SPRY2: variants seen among roughly 807,000 people sequenced by gnomAD.
The protein encoded by SPRY2 is protein sprouty homolog 2.
In SPRY2, 10 loss-of-function variants were observed where a neutral mutation model predicts 23.4. That is an observed-to-expected ratio of 0.43 (90% CI 0.26 to 0.73). SPRY2 has a LOEUF of 0.73. Ranked by LOEUF, SPRY2 falls within the 30% of genes least tolerant of loss-of-function variation. SPRY2 has a pLI of 0.22. For missense variants in SPRY2, 344 were observed against 396.9 expected, an observed-to-expected ratio of 0.87 and a Z score of 1.13; for synonymous variants, 170 against 156.9, an observed-to-expected ratio of 1.08 and a Z score of -0.62.
Position 80,337,616 on chromosome 13 carries a change from G to A in SPRY2, c.90C>T (p.Pro30=), listed in dbSNP as rs763949772. Residue 30 remains proline, a synonymous_variant, in exon 2 of 2, where the codon CCC becomes CCT. Transcript: ENST00000377104. ...GTACCTGCTGGGTGAGGGCGTCTCT[G>A]GGGTCGGGCTCCCCACGCTGTCTGC... ...DGGRQRGEPD[P]RDALTQQVHV... 2.5e-6 allele frequency: 4 copies of A among 1,614,122 alleles called. No individual in the cohort carries two copies. In the Admixed American group the frequency reaches 6.7e-5, roughly 27 times the overall value.
In SPRY2 at chr13:80,336,503, T is replaced by C. The variant is rs1880257352; in HGVS notation, c.*255A>G. 3.6e-6 allele frequency: 2 copies of C among 554,386 alleles called. No homozygotes were observed. The highest frequency in any genetic ancestry group is 6.3e-5 in the East Asian group (2 of 31,906). 34.3% of individuals were successfully genotyped at this position (554,386 alleles called of 1,614,324 possible). A position where few individuals can be genotyped will look rare whatever the true frequency, so the allele number is the denominator to read the frequency against. On this transcript the variant is annotated 3_prime_UTR_variant, in exon 2 of 2. Coordinates refer to ENST00000377104, the MANE Select transcript of SPRY2 (RefSeq NM_005842.4). ...CAAACAAAAACTTTGCCTAGGAGTG[T>C]CTGTGTTGCTTTAGCTTATGCAATA...
rs1880253629 is a variant in SPRY2 at position 80,336,431 on chromosome 13, T to C, written c.*327A>G. On this transcript the variant is annotated 3_prime_UTR_variant, in exon 2 of 2. Transcript: ENST00000377104. ...AGCACATTCTCTCTGGAGAAAACAA[T>C]GGAAAAAAGTCATCTGCTAATTTAC... The C allele has an allele frequency of 2.6e-6, 1 of 380,806 alleles. No homozygotes were observed. Among genetic ancestry groups the C allele is most frequent in the Non-Finnish European group, 4.9e-6 (1 of 205,220 alleles). The allele number at this position is 380,806 out of a possible 1,614,324, so 23.6% of individuals were successfully genotyped here. A position where few individuals can be genotyped will look rare whatever the true frequency, so the allele number is the denominator to read the frequency against.
Position 80,336,814 on chromosome 13 carries a change from T to A in SPRY2, c.892A>T (p.Thr298Ser), listed in dbSNP as rs1425467478. The change falls in exon 2 of 2, where the codon ACA becomes TCA. Residue 298 changes from threonine to serine, a missense_variant. By Grantham distance (58) the Thr-to-Ser change is moderately conservative. Coordinates refer to ENST00000377104, the MANE Select transcript of SPRY2 (RefSeq NM_005842.4). ...RPGCRCKNSN[T>S]VCCKVPTVPP... ...ACAGTGGGAACTTTGCAGCAAACTGTGTTTGAGTTTTTACAGCGGCAACCA... is the reference window on the plus strand; with the variant it reads ...ACAGTGGGAACTTTGCAGCAAACTGAGTTTGAGTTTTTACAGCGGCAACCA... 1 of 1,614,078 alleles carries A rather than the reference T, an allele frequency of 6.2e-7. No individual in the cohort carries two copies. Among genetic ancestry groups the A allele is most frequent in the South Asian group, 1.1e-5 (1 of 91,078 alleles).
In SPRY2 at chr13:80,336,416, C is replaced by T; in HGVS notation, c.*342G>A. The T allele has an allele frequency of 2.8e-6, 1 of 359,154 alleles. No homozygotes were observed. Among genetic ancestry groups the T allele is most frequent in the Non-Finnish European group, 5.2e-6 (1 of 191,662 alleles). The allele number at this position is 359,154 out of a possible 1,614,324, so 22.2% of individuals were successfully genotyped here. On this transcript the variant is annotated 3_prime_UTR_variant, in exon 2 of 2. Transcript: ENST00000377104. Reference sequence around the variant, plus strand: ...TATATACAAAAATATAGCACATTCTCTCTGGAGAAAACAATGGAAAAAAGT... The same window carrying T: ...TATATACAAAAATATAGCACATTCTTTCTGGAGAAAACAATGGAAAAAAGT...
At chr13:80,338,891 C>A (rs1262551379) in intron 1 of SPRY2, 1 of 152,378 alleles carries the variant, frequency 6.6e-6, no homozygotes, top group East Asian at 1.9e-4. Context: ...CTTAGTTTAT[C>A]GCCTCTCTGT....
chr13:80,340,953 G>T lies in SPRY2; in HGVS notation c.-383C>A, dbSNP rs2137730022. On this transcript the variant is annotated 5_prime_UTR_variant, in exon 1 of 2. Transcript: ENST00000377104. ...AATGGGAAAAGAAAACGGCCTTACG[G>T]AGAACCTAAAGCCAGATCGCCAAGT... 1.3e-5 allele frequency: 2 copies of T among 151,982 alleles called. No homozygotes were observed. The highest frequency in any genetic ancestry group is 3.8e-4 in the South Asian group (2 of 5,310). The allele number at this position is 151,982 out of a possible 1,614,324, so 9.4% of individuals were successfully genotyped here.
At position 80,337,571 on chromosome 13, in the gene SPRY2, C is replaced by A. The variant is rs200366516; in HGVS notation, c.135G>T (p.Gln45His). 3.1e-6 allele frequency: 5 copies of A among 1,614,140 alleles called. No individual in the cohort carries two copies. In the East Asian group the frequency reaches 6.7e-5, roughly 22 times the overall value. Residue 45 changes from glutamine to histidine, a missense_variant, in exon 2 of 2, where the codon CAG becomes CAT. By Grantham distance (24) the Gln-to-His change is conservative. Transcript: ENST00000377104. ...CATTGGTGTTTCGGATGGCTCTGATCTGATCCAGAGACAAGACATGTACCT... is the reference window on the plus strand; with the variant it reads ...CATTGGTGTTTCGGATGGCTCTGATATGATCCAGAGACAAGACATGTACCT... ...TQQVHVLSLD[Q>H]IRAIRNTNEY... is the part of the protein sequence containing the mutation.
chr13:80,336,941 GGCT>G lies in SPRY2; in HGVS notation c.762_764del (p.Ala255del). 6.2e-7 allele frequency: 1 copy of G among 1,614,216 alleles called. No homozygotes were observed. The highest frequency in any genetic ancestry group is 8.5e-7 in the Non-Finnish European group (1 of 1,180,054). Reference sequence around the variant, plus strand: ...GCAAAAAGAGGGACATGACACCCATGGCTGACCATCGTGTACAACAGTGAGACT... The same window carrying G: ...GCAAAAAGAGGGACATGACACCCATGGACCATCGTGTACAACAGTGAGACT... On this transcript the variant is annotated inframe_deletion, in exon 2 of 2. Transcript: ENST00000377104.
Position 80,340,772 on chromosome 13 carries a change from G to T in SPRY2, c.-202C>A, listed in dbSNP as rs1880482994. On this transcript the variant is annotated 5_prime_UTR_variant, in exon 1 of 2. Coordinates refer to ENST00000377104, the MANE Select transcript of SPRY2 (RefSeq NM_005842.4). The stretch of plus-strand genomic sequence containing the variant: ...GAGCAATCGGCGGGAGAAAAAAAGA[G>T]AATTCGGAGCCAGATTCCCCGCTGA... The T allele has an allele frequency of 6.6e-6, 1 of 152,288 alleles. No homozygotes were observed. Among genetic ancestry groups the T allele is most frequent in the South Asian group, 2.1e-4 (1 of 4,838 alleles). The allele number at this position is 152,288 out of a possible 1,614,324, so 9.4% of individuals were successfully genotyped here. A position where few individuals can be genotyped will look rare whatever the true frequency, so the allele number is the denominator to read the frequency against.
chr13:80,337,741 G>A lies in SPRY2; in HGVS notation c.-36C>T. ...AAGTGTGGTCACTCCAGCAGGCTTA[G>A]AACACATCTGAACTCCTGAGGAAGC... On this transcript the variant is annotated 5_prime_UTR_variant, in exon 2 of 2. Transcript: ENST00000377104. 6.4e-7 allele frequency: 1 copy of A among 1,574,740 alleles called. No homozygotes were observed. The highest frequency in any genetic ancestry group is 8.7e-7 in the Non-Finnish European group (1 of 1,154,782).
At position 80,340,992 on chromosome 13, in the gene SPRY2, CCGCGTCGTAGCGGAGGCGGCGCGGGGG is replaced by C. The variant is rs1880492941; in HGVS notation, c.-449_-423del. ...AGATCGCCAAGTGGTGCGGCCGGGG[CCGCGTCGTAGCGGAGGCGGCGCGGGGG>C]CGCGGGCCGGGCCGGGCCGGGCGGG... On this transcript the variant is annotated 5_prime_UTR_variant, in exon 1 of 2. Coordinates refer to ENST00000377104, the MANE Select transcript of SPRY2 (RefSeq NM_005842.4). 1 of 150,200 alleles carries C rather than the reference CCGCGTCGTAGCGGAGGCGGCGCGGGGG, an allele frequency of 6.7e-6. No homozygotes were observed. Among genetic ancestry groups the C allele is most frequent in the Admixed American group, 6.7e-5 (1 of 15,014 alleles). The allele number at this position is 150,200 out of a possible 1,614,324, so 9.3% of individuals were successfully genotyped here.
rs753657942 is a variant in SPRY2 at position 80,336,683 on chromosome 13, T to C, written c.*75A>G. On this transcript the variant is annotated 3_prime_UTR_variant, in exon 2 of 2. Transcript: ENST00000377104. ...ATTAACAGTGCCAAGATTATAACTGTTTAGTTGGTTGCATATGTGTATTAA... is the reference window on the plus strand; with the variant it reads ...ATTAACAGTGCCAAGATTATAACTGCTTAGTTGGTTGCATATGTGTATTAA... The C allele has an allele frequency of 1.5e-6, 2 of 1,368,918 alleles. No individual in the cohort carries two copies. The highest frequency in any genetic ancestry group is 2.5e-5 in the South Asian group (2 of 80,632). The allele number at this position is 1,368,918 out of a possible 1,614,324, so 84.8% of individuals were successfully genotyped here.
Position 80,336,663 on chromosome 13 carries a change from C to A in SPRY2, c.*95G>T. 1 of 1,265,972 alleles carries A rather than the reference C, an allele frequency of 7.9e-7. No individual in the cohort carries two copies. The highest frequency in any genetic ancestry group is 1.5e-5 in the African/African-American group (1 of 67,306). 78.4% of individuals were successfully genotyped at this position (1,265,972 alleles called of 1,614,324 possible). ...AAAGACTATCCCACCTTTCTATTAA[C>A]AGTGCCAAGATTATAACTGTTTAGT... On this transcript the variant is annotated 3_prime_UTR_variant, in exon 2 of 2. Coordinates refer to ENST00000377104, the MANE Select transcript of SPRY2 (RefSeq NM_005842.4).
At chr13:80,338,537 G>T (rs959693775) in intron 1 of SPRY2, among the ~76,000 whole-genome samples, 10 of 152,200 alleles carry the variant, frequency 6.6e-5, no homozygotes, top group African/African-American at 2.4e-4. Flanking sequence ...CTAAAAGGTT[G>T]TTCTCCCTGC....
chr13:80,336,688 T>C lies in SPRY2; in HGVS notation c.*70A>G, dbSNP rs754537544. Reference sequence around the variant, plus strand: ...CAGTGCCAAGATTATAACTGTTTAGTTGGTTGCATATGTGTATTAAAAAAA... The same window carrying C: ...CAGTGCCAAGATTATAACTGTTTAGCTGGTTGCATATGTGTATTAAAAAAA... On this transcript the variant is annotated 3_prime_UTR_variant, in exon 2 of 2. Transcript: ENST00000377104. 1 of 1,395,350 alleles carries C rather than the reference T, an allele frequency of 7.2e-7. No homozygotes were observed. The highest frequency in any genetic ancestry group is 1.0e-6 in the Non-Finnish European group (1 of 1,003,172). The allele number at this position is 1,395,350 out of a possible 1,614,324, so 86.4% of individuals were successfully genotyped here.
chr13:80,338,172 A>G (rs1375012630), intron 1 of SPRY2, among the ~76,000 whole-genome samples: 1 of 152,238 alleles, frequency 6.6e-6, no homozygotes, highest in Admixed American at 6.5e-5. Context: ...TTTTGCCTTA[A>G]GCGTTAATAA....
rs772414505 is a variant in SPRY2 at position 80,336,776 on chromosome 13, G to A, written c.930C>T (p.Asn310=). The A allele has an allele frequency of 1.2e-5, 19 of 1,613,852 alleles. 1 individual carries two copies. The highest frequency in any genetic ancestry group is 6.6e-5 in the South Asian group (6 of 91,070). ...AATGATGCTATGTTGGTTTTTCAAA[G>A]TTCCTAGGGGGGACAGTGGGAACTT... ...CCKVPTVPPR[N]FEKPT Residue 310 remains asparagine (N), a synonymous_variant, in exon 2 of 2, where the codon AAC becomes AAT. Transcript: ENST00000377104.
At position 80,337,050 on chromosome 13, in the gene SPRY2, A is replaced by G. The variant is rs766828965; in HGVS notation, c.656T>C (p.Val219Ala). 2 of 1,614,126 alleles carry G rather than the reference A, an allele frequency of 1.2e-6. No homozygotes were observed. Among genetic ancestry groups the G allele is most frequent in the Non-Finnish European group, 8.5e-7 (1 of 1,180,052 alleles). ...ATAGAAGAGACCTTTCACACAGCAT[A>G]CACAAGTCCCATAGTCAATCACGTT... ...AQNVIDYGTC[V>A]CCVKGLFYHC... Residue 219 changes from valine to alanine, a missense_variant, in exon 2 of 2, where the codon GTA (valine) becomes GCA (alanine). Coordinates refer to ENST00000377104, the MANE Select transcript of SPRY2 (RefSeq NM_005842.4).
rs539759266 is a variant in SPRY2, at chr13:80,336,770, T to A, written c.936A>T (p.Glu312Asp). 1 of 1,613,910 alleles carries A rather than the reference T, an allele frequency of 6.2e-7. No individual in the cohort carries two copies. The change falls in exon 2 of 2, where the codon GAA (glutamate) becomes GAT (aspartate). Residue 312 changes from glutamate (E) to aspartate (D), a missense_variant. Coordinates refer to ENST00000377104, the MANE Select transcript of SPRY2 (RefSeq NM_005842.4). ...KVPTVPPRNF[E>D]KPT is the part of the protein sequence containing the mutation. ...CTGATTAATGATGCTATGTTGGTTT[T>A]TCAAAGTTCCTAGGGGGGACAGTGG...
Sources: gnomAD v4.1 joint callset for allele counts (sites outside exome capture counted in the v4.1 genomes callset) on GRCh38, gnomAD v4.1.1 for gene constraint, MANE v1.5 for transcripts, NCBI Gene and HGNC (gene_info 2026-07-23, HGNC 2026-07-21) for gene names.